The following DNM1L variants were observed in gnomAD, a reference collection of about 807,000 sequenced individuals.
DNM1L encodes dynamin-1-like protein.
DNM1L carries 33 observed loss-of-function variants against 92.8 expected under a neutral mutation model. That is an observed-to-expected ratio of 0.36 (90% CI 0.27 to 0.48). DNM1L has a LOEUF of 0.48. Among genes scored for constraint, DNM1L ranks in the 20% least tolerant of loss-of-function variants. DNM1L has a pLI of 0.99. For synonymous variants in DNM1L, 284 were observed against 305.0 expected (o/e 0.93, Z 0.72); for missense variants, 485 against 888.8 (o/e 0.55, Z 5.78).
chr12:32,689,284 G>A (rs1592568407), intron 1 of DNM1L, among the ~76,000 whole-genome samples: 2 of 152,110 alleles, frequency 1.3e-5, no homozygotes, highest in African/African-American at 2.4e-5. Flanking sequence ...TGCAACTTCT[G>A]CCTCCTGAGT....
chr12:32,708,587 C>G (rs890534519), intron 4 of DNM1L, among the ~76,000 whole-genome samples: 5 of 152,010 alleles, frequency 3.3e-5, no homozygotes, highest in African/African-American at 1.2e-4. Flanking sequence ...ACTCAGGAAG[C>G]ATTGTTTCAC....
At chr12:32,694,234 T>C (rs1952342567) in intron 1 of DNM1L, among the ~76,000 whole-genome samples, 1 of 152,144 alleles carries the variant, frequency 6.6e-6, no homozygotes, top group Non-Finnish European at 1.5e-5. Context: ...TACAGGTGCG[T>C]GCCACCTTGC....
intron 15 of DNM1L, 31 bp from the exon 16 acceptor site, chr12:32,738,233 A>T: frequency 6.2e-7 from 1 of 1,612,688 alleles, no homozygotes; most frequent in Non-Finnish European, 8.5e-7. Context: ...TTTGCTTGTT[A>T]AATTGCATGT....
intron 9 of DNM1L, chr12:32,726,399 GC>G (rs1299591465): frequency 7.6e-6 from 12 of 1,576,442 alleles, no homozygotes; most frequent in Middle Eastern, 4.6e-4. Context: ...CTTGCACTCT[GC>G]TGGGTTTTGA....
intron 13 of DNM1L, among the ~76,000 whole-genome samples, chr12:32,735,072 T>C (rs1373963835): frequency 6.6e-6 from 1 of 152,232 alleles, no homozygotes; most frequent in Non-Finnish European, 1.5e-5. Context: ...GATTTAGTTT[T>C]TTTTACATTG....
In DNM1L at chr12:32,713,247, A is replaced by T. The variant is rs1953210747; in HGVS notation, c.495A>T (p.Gln165His). The change falls in exon 6 of 20, where the codon CAA becomes CAT. Residue 165 changes from glutamine (Q) to histidine (H), a missense_variant. Physicochemically the swap from Gln to His is conservative, Grantham distance 24. Around this residue, in one of 11 missense-constraint regions of DNM1L, gnomAD observed 159 missense variants for 275.9 expected, o/e 0.58. Coordinates refer to ENST00000549701, the MANE Select transcript of DNM1L (RefSeq NM_012062.5). The part of the protein sequence containing the change: ...VGDQPKDIEL[Q>H]IRELILRFIS... ...ATCAACCTAAGGATATTGAGCTTCA[A>T]ATCAGAGAGCTCATTCTTCGGTTCA... The T allele has an allele frequency of 6.2e-7, 1 of 1,613,930 alleles. No individual in the cohort carries two copies. Among genetic ancestry groups the T allele is most frequent in the African/African-American group, 1.3e-5 (1 of 75,016 alleles).
intron 18 of DNM1L, among the ~76,000 whole-genome samples, chr12:32,741,439 C>T (rs1955283376): frequency 6.6e-6 from 1 of 152,204 alleles, no homozygotes; most frequent in Admixed American, 6.5e-5. Context: ...GTGTGCACCA[C>T]CATGCCCAGC....
At chr12:32,717,450 T>C (rs1343980126) in intron 6 of DNM1L, among the ~76,000 whole-genome samples, 1 of 98,950 alleles carries the variant, frequency 1.0e-5, no homozygotes, top group African/African-American at 4.5e-5. Context: ...AAATATATAC[T>C]ATATATATTT....
intron 9 of DNM1L, among the ~76,000 whole-genome samples, chr12:32,725,075 TTTC>T (rs141222358): frequency 0.17 from 25,051 of 151,514 alleles, 2,285 homozygotes; most frequent in African/African-American, 0.25. Context: ...CACTGAAGAT[TTTC>T]TTCTTCTTCT....
chr12:32,681,805 A>G (rs1347621279), intron 1 of DNM1L, among the ~76,000 whole-genome samples: 2 of 152,008 alleles, frequency 1.3e-5, no homozygotes, highest in African/African-American at 2.4e-5. Flanking sequence ...AGTTCTGCCT[A>G]GTATACCTAT....
intron 1 of DNM1L, chr12:32,679,872 G>A: frequency 1.0e-6 from 1 of 992,532 alleles, no homozygotes; most frequent in South Asian, 4.7e-5. Flanking sequence ...CGGTGGGCTG[G>A]CTGTTCCCAT....
At position 32,679,332 on chromosome 12, in the gene DNM1L, G is replaced by A. The variant is rs114505859; in HGVS notation, c.-32G>A. On this transcript the variant is annotated 5_prime_UTR_variant, in exon 1 of 20. Coordinates refer to ENST00000549701, the MANE Select transcript of DNM1L (RefSeq NM_012062.5). The stretch of plus-strand genomic sequence containing the variant: ...CCCGGCCCCATTCATTGCCGTGGCC[G>A]GCGGGCACTGGGGCCCCGTGTTTTC... 1 of 1,484,636 alleles carries A rather than the reference G, an allele frequency of 6.7e-7. No individual in the cohort carries two copies. The highest frequency in any genetic ancestry group is 1.1e-5 in the South Asian group (1 of 87,670). The allele number at this position is 1,484,636 out of a possible 1,614,324, so 92.0% of individuals were successfully genotyped here. A position where few individuals can be genotyped will look rare whatever the true frequency, so the allele number is the denominator to read the frequency against.
chr12:32,742,624 A>G lies in DNM1L; in HGVS notation c.2030A>G (p.His677Arg). The part of the protein sequence containing the change: ...PKAVMHFLVN[H>R]VKDTLQSELV... Reference sequence around the variant, plus strand: ...GCAGTAATGCATTTTTTGGTTAATCATGTGAAAGACACTCTTCAGAGTGAG... The same window carrying G: ...GCAGTAATGCATTTTTTGGTTAATCGTGTGAAAGACACTCTTCAGAGTGAG... The change falls in exon 19 of 20, where the codon CAT becomes CGT. Residue 677 changes from histidine to arginine, a missense_variant. Physicochemically the swap from His to Arg is conservative, Grantham distance 29 (BLOSUM62 0). Transcript: ENST00000549701. The G allele has an allele frequency of 6.2e-7, 1 of 1,614,100 alleles. No individual in the cohort carries two copies.
At chr12:32,699,946 A>G (rs12307480) in intron 1 of DNM1L, among the ~76,000 whole-genome samples, 23,418 of 152,078 alleles carry the variant, frequency 0.15, 1,910 homozygotes, top group Middle Eastern at 0.21. Flanking sequence ...CTGTATGCTC[A>G]TTAATAACGG....
chr12:32,686,078 T>G (rs1163438268), intron 1 of DNM1L, among the ~76,000 whole-genome samples: 1 of 137,754 alleles, frequency 7.3e-6, no homozygotes, highest in Non-Finnish European at 1.5e-5. Context: ...GAGATGGAGT[T>G]TTGCTCTTGT....
At chr12:32,720,611 T>A in intron 7 of DNM1L, 53 bp from the exon 8 acceptor site, 2 of 1,612,110 alleles carry the variant, frequency 1.2e-6, no homozygotes, top group Non-Finnish European at 1.7e-6. Context: ...TCATCTAAGG[T>A]AGGAAGAGGA....
At chr12:32,718,204 CGAT>C (rs1565519786) in intron 6 of DNM1L, among the ~76,000 whole-genome samples, 2 of 147,862 alleles carry the variant, frequency 1.4e-5, no homozygotes, top group Non-Finnish European at 3.0e-5. Flanking sequence ...TGCAATGGCA[CGAT>C]CTCAGCTCAC....
At chr12:32,736,067 CTTTTTTTTTT>C (rs773591822) in intron 13 of DNM1L, among the ~76,000 whole-genome samples, 26 of 113,046 alleles carry the variant, frequency 2.3e-4, no homozygotes, top group Non-Finnish European at 3.8e-4. Context: ...TCTTCATAAT[CTTTTTTTTTT>C]TTTTTTTTTT....
intron 9 of DNM1L, among the ~76,000 whole-genome samples, chr12:32,723,714 A>G (rs1243683772): frequency 1.3e-5 from 2 of 150,898 alleles, no homozygotes; most frequent in Non-Finnish European, 2.9e-5. Context: ...AAAAAAAAAA[A>G]CAGGGATTCT....
Sources: gnomAD v4.1 joint callset for allele counts (sites outside exome capture counted in the v4.1 genomes callset) on GRCh38, gnomAD v4.1.1 for gene constraint, gnomAD v4.1.1 regional missense constraint, MANE v1.5 for transcripts, NCBI Gene and HGNC (gene_info 2026-07-23, HGNC 2026-07-21) for gene names.